CCSER1: variants seen among roughly 807,000 people sequenced by gnomAD.
CCSER1 encodes coiled-coil serine rich protein 1.
CCSER1 carries 41 observed loss-of-function variants against 82.0 expected under a neutral mutation model. The ratio of observed to expected loss-of-function variants is 0.50; its 90% CI spans 0.39 to 0.65. The LOEUF (loss-of-function observed/expected upper bound fraction) is 0.65, where lower values mean the gene tolerates loss of function less well. Ranked by LOEUF, CCSER1 falls within the 30% of genes least tolerant of loss-of-function variation. The pLI is 0.00. For missense variants in CCSER1, 1,119 were observed against 1,064.2 expected (o/e 1.05, Z -0.72); for synonymous variants, 414 against 383.9 (o/e 1.08, Z -0.92).
intron 10 of CCSER1, among the ~76,000 whole-genome samples, chr4:91,186,220 G>A (rs999286527): frequency 3.3e-5 from 5 of 152,144 alleles, no homozygotes; most frequent in Non-Finnish European, 7.4e-5. Context: ...GGGTAGGGAT[G>A]AACCTCTCCT....
intron 10 of CCSER1, among the ~76,000 whole-genome samples, chr4:91,191,590 C>T (rs141999959): frequency 3.9e-5 from 6 of 152,278 alleles, no homozygotes; most frequent in African/African-American, 1.4e-4. Flanking sequence ...ACACATGACC[C>T]AGTCTCCATC....
chr4:91,576,711 C>G (rs1763468687), intron 10 of CCSER1, among the ~76,000 whole-genome samples: 1 of 151,928 alleles, frequency 6.6e-6, no homozygotes, highest in Non-Finnish European at 1.5e-5. Context: ...ACACTTTATA[C>G]ACACAGGCTG....
intron 7 of CCSER1, among the ~76,000 whole-genome samples, chr4:90,753,417 TC>T (rs1438924725): frequency 6.6e-6 from 1 of 152,120 alleles, no homozygotes; most frequent in Admixed American, 6.5e-5. Context: ...CATTTTGGTT[TC>T]CTTCAGTTGC....
At chr4:91,303,993 G>T (rs1253995890) in intron 10 of CCSER1, among the ~76,000 whole-genome samples, 2 of 151,960 alleles carry the variant, frequency 1.3e-5, no homozygotes, top group African/African-American at 4.8e-5. Context: ...CATTTGTTGA[G>T]AAAAGCCTTA....
intron 8 of CCSER1, chr4:90,839,170 G>T: frequency 1.4e-6 from 1 of 731,712 alleles, no homozygotes; most frequent in Non-Finnish European, 2.4e-6. Context: ...ACTTCTTTGA[G>T]AAATATTATT....
intron 10 of CCSER1, among the ~76,000 whole-genome samples, chr4:91,200,157 A>C (rs1336738229): frequency 1.4e-5 from 2 of 148,040 alleles, no homozygotes; most frequent in African/African-American, 5.0e-5. Flanking sequence ...TATTTTATTC[A>C]GTTTCAGCCA....
intron 9 of CCSER1, among the ~76,000 whole-genome samples, chr4:90,961,142 A>G (rs1391125466): frequency 5.3e-5 from 8 of 152,252 alleles, no homozygotes; most frequent in Admixed American, 4.6e-4. Flanking sequence ...TCTTTGTGTT[A>G]TATTCCCAGA....
chr4:91,411,457 G>T (rs1437276819), intron 10 of CCSER1, among the ~76,000 whole-genome samples: 1 of 115,038 alleles, frequency 8.7e-6, no homozygotes, highest in Non-Finnish European at 1.7e-5. Flanking sequence ...AAAACTATCT[G>T]GAAGTAATTA....
chr4:90,441,528 G>A (rs890990770), intron 4 of CCSER1, among the ~76,000 whole-genome samples: 2 of 151,742 alleles, frequency 1.3e-5, no homozygotes, highest in Non-Finnish European at 2.9e-5. Flanking sequence ...TTGTGACCTT[G>A]TCTACACCTG....
chr4:90,904,957 A>G (rs535329595), intron 8 of CCSER1, among the ~76,000 whole-genome samples: 3 of 152,192 alleles, frequency 2.0e-5, no homozygotes, highest in South Asian at 4.1e-4. Context: ...AGTGTTTCTC[A>G]TATCAGGAAT....
At chr4:90,475,116 C>T (rs1178037201) in intron 5 of CCSER1, among the ~76,000 whole-genome samples, 1 of 152,126 alleles carries the variant, frequency 6.6e-6, no homozygotes, top group East Asian at 1.9e-4. Flanking sequence ...CATTGATTTT[C>T]ACTGAAAATG....
intron 1 of CCSER1, among the ~76,000 whole-genome samples, chr4:90,178,814 C>T (rs1315781262): frequency 1.3e-5 from 2 of 152,108 alleles, no homozygotes; most frequent in African/African-American, 4.8e-5. Flanking sequence ...AAATTATGGA[C>T]ATATAAAGCA....
At chr4:90,441,372 G>T (rs1759850959) in intron 4 of CCSER1, among the ~76,000 whole-genome samples, 1 of 152,144 alleles carries the variant, frequency 6.6e-6, no homozygotes, top group Non-Finnish European at 1.5e-5. Context: ...CAAGGTGCCA[G>T]CATGGTCCAT....
At chr4:91,520,171 T>C (rs1325170846) in intron 10 of CCSER1, among the ~76,000 whole-genome samples, 1 of 152,232 alleles carries the variant, frequency 6.6e-6, no homozygotes. Flanking sequence ...TTGTTTATTT[T>C]AATATACATG....
At chr4:91,367,134 A>C (rs1464384351) in intron 10 of CCSER1, among the ~76,000 whole-genome samples, 7 of 147,834 alleles carry the variant, frequency 4.7e-5, no homozygotes, top group African/African-American at 7.4e-5. Flanking sequence ...TCTCTCCAAA[A>C]AAAAAAAAAA....
intron 7 of CCSER1, among the ~76,000 whole-genome samples, chr4:90,745,842 A>G (rs1747352610): frequency 6.6e-6 from 1 of 151,044 alleles, no homozygotes; most frequent in African/African-American, 2.4e-5. Flanking sequence ...GGCGCCCGCC[A>G]CCACACCCAG....
At chr4:91,164,281 G>T (rs1180809955) in intron 10 of CCSER1, among the ~76,000 whole-genome samples, 1 of 152,200 alleles carries the variant, frequency 6.6e-6, no homozygotes, top group African/African-American at 2.4e-5. Flanking sequence ...GGCTTGCAGG[G>T]TTTCTGCTGA....
intron 1 of CCSER1, among the ~76,000 whole-genome samples, chr4:90,168,099 A>G (rs1382286320): frequency 6.6e-6 from 1 of 152,166 alleles, no homozygotes; most frequent in African/African-American, 2.4e-5. Flanking sequence ...CAAAAGTGTA[A>G]AAGTGTTCCT....
intron 9 of CCSER1, among the ~76,000 whole-genome samples, chr4:91,068,612 G>A (rs1025594112): frequency 2.0e-5 from 3 of 152,098 alleles, no homozygotes; most frequent in African/African-American, 7.2e-5. Flanking sequence ...AACTTAATAT[G>A]GATATACTGA....
Sources: allele counts gnomAD v4.1 joint callset (sites outside exome capture counted in the v4.1 genomes callset), GRCh38; gene constraint gnomAD v4.1.1; transcripts MANE v1.5; gene names NCBI Gene and HGNC (gene_info 2026-07-23, HGNC 2026-07-21).